CDH12: variants seen among roughly 807,000 people sequenced by gnomAD.
CDH12 encodes cadherin-12.
In CDH12, 41 loss-of-function variants were observed where a neutral mutation model predicts 74.1. That is an observed-to-expected ratio of 0.55 (90% CI 0.43 to 0.72). The LOEUF is 0.72. CDH12 is among the 30% of genes least tolerant of loss of function. The probability of loss-of-function intolerance (pLI) is 0.00; values close to 1 mark genes in which losing one functional copy is unlikely to be tolerated. For synonymous variants in CDH12, 399 were observed against 355.0 expected (o/e 1.12, Z -1.39); for missense variants, 945 against 977.2 (o/e 0.97, Z 0.44).
intron 3 of CDH12, among the ~76,000 whole-genome samples, chr5:22,387,298 G>A (rs1283862182): frequency 6.6e-6 from 1 of 151,608 alleles, no homozygotes; most frequent in African/African-American, 2.4e-5. Context: ...TTAAAAAAAT[G>A]TAATGTACAT....
chr5:21,847,165 ATCT>A (rs1316843110), intron 7 of CDH12, among the ~76,000 whole-genome samples: 1 of 151,982 alleles, frequency 6.6e-6, no homozygotes, highest in African/African-American at 2.4e-5. Flanking sequence ...CTGAACTCTG[ATCT>A]TCTTTTCTAC....
intron 1 of CDH12, among the ~76,000 whole-genome samples, chr5:22,743,539 T>C (rs1745141953): frequency 6.6e-6 from 1 of 152,022 alleles, no homozygotes; most frequent in Non-Finnish European, 1.5e-5. Flanking sequence ...TTTAGCATTC[T>C]CATTTGTAAG....
intron 3 of CDH12, among the ~76,000 whole-genome samples, chr5:22,291,986 T>C (rs1737406480): frequency 6.6e-6 from 1 of 152,130 alleles, no homozygotes; most frequent in Non-Finnish European, 1.5e-5. Context: ...CAAAACAGCA[T>C]GGTACTGGCA....
At chr5:22,043,625 C>T (rs1739725380) in intron 5 of CDH12, among the ~76,000 whole-genome samples, 1 of 151,674 alleles carries the variant, frequency 6.6e-6, no homozygotes, top group African/African-American at 2.4e-5. Flanking sequence ...TAAAAAGCAT[C>T]CAAATAGGAA....
At chr5:22,051,150 G>C (rs1740331213) in intron 5 of CDH12, among the ~76,000 whole-genome samples, 1 of 152,082 alleles carries the variant, frequency 6.6e-6, no homozygotes, top group South Asian at 2.1e-4. Context: ...CTGTTGTGGA[G>C]AGATGGACAG....
At chr5:21,848,666 T>C (rs1056158828) in intron 7 of CDH12, among the ~76,000 whole-genome samples, 1 of 151,926 alleles carries the variant, frequency 6.6e-6, no homozygotes, top group African/African-American at 2.4e-5. Flanking sequence ...CAAGAAGAGT[T>C]ATCAGGTTAT....
At chr5:22,323,637 C>CT (rs1314918990) in intron 3 of CDH12, among the ~76,000 whole-genome samples, 1 of 152,124 alleles carries the variant, frequency 6.6e-6, no homozygotes, top group Admixed American at 6.5e-5. Flanking sequence ...CGCCACATGA[C>CT]TAGTGCTCTG....
At chr5:22,655,719 A>G (rs576222311) in intron 1 of CDH12, among the ~76,000 whole-genome samples, 194 of 152,280 alleles carry the variant, frequency 1.3e-3, no homozygotes, top group African/African-American at 4.5e-3. Flanking sequence ...TTTTAGAATA[A>G]TTACATTGGG....
intron 6 of CDH12, among the ~76,000 whole-genome samples, chr5:21,971,073 C>A (rs1756833209): frequency 6.6e-6 from 1 of 151,594 alleles, no homozygotes; most frequent in African/African-American, 2.4e-5. Flanking sequence ...ATTTAAATGT[C>A]AGCTAAACTT....
intron 1 of CDH12, among the ~76,000 whole-genome samples, chr5:22,577,263 C>A (rs990740207): frequency 6.6e-6 from 1 of 152,108 alleles, no homozygotes; most frequent in African/African-American, 2.4e-5. Context: ...AAGTTGCCTG[C>A]CCCAGATGCG....
At chr5:22,206,795 A>C (rs1242993880) in intron 4 of CDH12, among the ~76,000 whole-genome samples, 2 of 151,308 alleles carry the variant, frequency 1.3e-5, no homozygotes, top group Non-Finnish European at 2.9e-5. Flanking sequence ...ACTTTGTCAA[A>C]ATTTATAATT....
At chr5:22,153,889 A>ATATGTGTATATAT (rs1561168560) in intron 4 of CDH12, among the ~76,000 whole-genome samples, 1 of 42,060 alleles carries the variant, frequency 2.4e-5, no homozygotes, top group Non-Finnish European at 5.2e-5. Context: ...TATATATATA[A>ATATGTGTATATAT]ATATATATAT....
At chr5:21,786,734 A>G (rs982546341) in intron 10 of CDH12, among the ~76,000 whole-genome samples, 8 of 152,220 alleles carry the variant, frequency 5.3e-5, no homozygotes, top group South Asian at 2.1e-4. Context: ...GATTCTTGAC[A>G]AAGTAAATTG....
intron 1 of CDH12, among the ~76,000 whole-genome samples, chr5:22,803,095 T>C (rs965409100): frequency 2.0e-5 from 3 of 152,174 alleles, no homozygotes; most frequent in African/African-American, 7.2e-5. Flanking sequence ...GCATGGCTTT[T>C]ATCAATGGGA....
At chr5:22,756,701 C>T (rs1745934747) in intron 1 of CDH12, among the ~76,000 whole-genome samples, 1 of 152,122 alleles carries the variant, frequency 6.6e-6, no homozygotes, top group African/African-American at 2.4e-5. Context: ...GTGGCTCACA[C>T]CTGTAATCCC....
chr5:22,127,053 G>C (rs990230046), intron 4 of CDH12, among the ~76,000 whole-genome samples: 1 of 152,122 alleles, frequency 6.6e-6, no homozygotes, highest in Non-Finnish European at 1.5e-5. Flanking sequence ...AATATGTGTG[G>C]GGTGGATTGT....
intron 1 of CDH12, among the ~76,000 whole-genome samples, chr5:22,709,123 A>G (rs1162361528): frequency 6.6e-6 from 1 of 152,212 alleles, no homozygotes; most frequent in Non-Finnish European, 1.5e-5. Context: ...AGTCTCCCGC[A>G]GGACCTGTAG....
chr5:22,219,494 C>A (rs1157406851), intron 3 of CDH12, among the ~76,000 whole-genome samples: 1 of 151,692 alleles, frequency 6.6e-6, no homozygotes, highest in East Asian at 1.9e-4. Flanking sequence ...TTTGCTGCCA[C>A]ATCATAAGGA....
intron 6 of CDH12, among the ~76,000 whole-genome samples, chr5:21,930,117 T>C (rs1274952775): frequency 1.3e-5 from 2 of 152,202 alleles, no homozygotes; most frequent in Non-Finnish European, 2.9e-5. Context: ...AGACAGTGTC[T>C]CAAATCACAG....
Sources: allele counts gnomAD v4.1 joint callset (sites outside exome capture counted in the v4.1 genomes callset), GRCh38; gene constraint gnomAD v4.1.1; transcripts MANE v1.5; gene names NCBI Gene and HGNC (gene_info 2026-07-23, HGNC 2026-07-21).